The following SATB1 variants were observed in gnomAD, a reference collection of about 807,000 sequenced individuals.
The protein encoded by SATB1 is SATB homeobox 1, also known as DNA-binding protein SATB1.
In SATB1, 11 loss-of-function variants were observed where a neutral mutation model predicts 86.9. That is an observed-to-expected ratio of 0.13 (90% CI 0.08 to 0.21). SATB1 has a LOEUF of 0.21. SATB1 is among the 10% of genes least tolerant of loss of function. The pLI, the probability that SATB1 is intolerant of heterozygous loss-of-function variation, is 1.00. For missense variants in SATB1, 551 were observed against 937.6 expected, an observed-to-expected ratio of 0.59 and a Z score of 5.39; for synonymous variants, 357 against 357.2, an observed-to-expected ratio of 1.00 and a Z score of 0.01.
intron 2 of SATB1, among the ~76,000 whole-genome samples, chr3:18,420,180 T>C (rs1698312052): frequency 6.6e-6 from 1 of 152,156 alleles, no homozygotes; most frequent in Admixed American, 6.5e-5. Flanking sequence ...CATCTTCCCC[T>C]TATAAACTTG....
intron 9 of SATB1, among the ~76,000 whole-genome samples, chr3:18,359,602 C>T (rs1694810997): frequency 6.6e-6 from 1 of 151,940 alleles, no homozygotes; most frequent in Non-Finnish European, 1.5e-5. Flanking sequence ...TGAAACAAAA[C>T]AAATAAAATT....
chr3:18,366,567 A>G (rs2125159979), intron 9 of SATB1, among the ~76,000 whole-genome samples: 1 of 152,244 alleles, frequency 6.6e-6, no homozygotes, highest in Admixed American at 6.5e-5. Context: ...CAACCTTCAA[A>G]TCATATCATG....
At chr3:18,436,397 G>A (rs1013850986) in intron 2 of SATB1, among the ~76,000 whole-genome samples, 2 of 151,636 alleles carry the variant, frequency 1.3e-5, no homozygotes, top group Non-Finnish European at 2.9e-5. Context: ...GTTTGACTCC[G>A]GTATTGTTTG....
intron 5 of SATB1, among the ~76,000 whole-genome samples, chr3:18,406,234 G>A (rs565405215): frequency 1.2e-4 from 18 of 151,936 alleles, no homozygotes; most frequent in Non-Finnish European, 2.4e-4. Context: ...TTAAAACACT[G>A]CATGTTTATA....
At chr3:18,367,384 T>G (rs1363391750) in intron 9 of SATB1, among the ~76,000 whole-genome samples, 1 of 152,122 alleles carries the variant, frequency 6.6e-6, no homozygotes, top group Non-Finnish European at 1.5e-5. Flanking sequence ...CAAAGAACAT[T>G]AAAAGGAATC....
chr3:18,417,113 C>G (rs762348470), intron 2 of SATB1, 35 bp from the exon 3 acceptor site: 160 of 1,594,772 alleles, frequency 1.0e-4, no homozygotes, highest in Non-Finnish European at 1.4e-4. Flanking sequence ...GATGGAAAAC[C>G]AACAATCTTC....
rs1465250711 is a variant in SATB1, at chr3:18,423,873, G to A, written c.-271C>T. On this transcript the variant is annotated 5_prime_UTR_variant, in exon 1 of 11. Transcript: ENST00000338745. ...AATAAACGTCTAGAAGAGTAGCCAT[G>A]AGAAAGGGGTTTAAAAAAAAAATCA... The A allele has an allele frequency of 6.6e-6, 1 of 151,462 alleles. No homozygotes were observed. Among genetic ancestry groups the A allele is most frequent in the East Asian group, 1.9e-4 (1 of 5,176 alleles). 9.4% of individuals were successfully genotyped at this position (151,462 alleles called of 1,614,324 possible). A position where few individuals can be genotyped will look rare whatever the true frequency, so the allele number is the denominator to read the frequency against.
At chr3:18,407,435 CCATGTGG>C (rs1343842426) in intron 5 of SATB1, among the ~76,000 whole-genome samples, 2 of 151,998 alleles carry the variant, frequency 1.3e-5, no homozygotes, top group Non-Finnish European at 2.9e-5. Context: ...GTTACATAGA[CCATGTGG>C]CATGCACAAG....
In SATB1 at chr3:18,394,931, G is replaced by C. The variant is rs1472565697; in HGVS notation, c.752-15C>G. 6.5e-7 allele frequency: 1 copy of C among 1,533,372 alleles called. No individual in the cohort carries two copies. The highest frequency in any genetic ancestry group is 8.8e-7 in the Non-Finnish European group (1 of 1,137,704). The allele number at this position is 1,533,372 out of a possible 1,614,324, so 95.0% of individuals were successfully genotyped here. On this transcript the variant is annotated splice_polypyrimidine_tract_variant and intron_variant, in intron 6 of 10. Coordinates refer to ENST00000338745, the MANE Select transcript of SATB1 (RefSeq NM_002971.6). This position sits in a 1 kb window ranked among gnomAD's most constrained non-coding sequence, Gnocchi z 5.9. ...ATCCATTTCAACTAAAGTGGACAAA[G>C]AGTAAAATCACATTCAGCCAACAAT...
chr3:18,349,352 C>T lies in SATB1; in HGVS notation c.2110G>A (p.Gly704Ser), dbSNP rs1482550358. ...QNQRYYLKHH[G>S]KLKDNSGLEV... is the part of the protein sequence containing the mutation. ...AAACCGGAATTGTCCTTCAGTTTGC[C>T]GTGGTGCTTGAGATAGTACCGCTGG... is the stretch of plus-strand genomic sequence containing the variant. The change falls in exon 11 of 11, where the codon GGC becomes AGC. Residue 704 changes from glycine to serine, a missense_variant. By Grantham distance (56) the Gly-to-Ser change is moderately conservative. Coordinates refer to ENST00000338745, the MANE Select transcript of SATB1 (RefSeq NM_002971.6). The surrounding 1 kb of genome is among the most constrained non-coding windows in gnomAD (Gnocchi z 5.5). 2 of 1,614,094 alleles carry T rather than the reference C, an allele frequency of 1.2e-6. No individual in the cohort carries two copies. The highest frequency in any genetic ancestry group is 1.7e-6 in the Non-Finnish European group (2 of 1,180,020).
At position 18,387,362 on chromosome 3, in the gene SATB1, T is replaced by G. The variant is rs189261511; in HGVS notation, c.1207-751A>C. On this transcript the variant is annotated intron_variant, in intron 7 of 10. Transcript: ENST00000338745. ...AACATTGCGAAAGTCCATCACAGCA[T>G]GCCAAGGAAAAGAGTATCAAATTCT... Among the ~76,000 whole-genome samples the G allele has an allele frequency of 1.6e-3, 248 of 152,330 alleles. 4 individuals are homozygous for G. The South Asian group carries it at 0.039, about 24-fold the overall frequency.
Position 18,349,512 on chromosome 3 carries a change from T to G in SATB1, c.1950A>C (p.Lys650Asn). The G allele has an allele frequency of 1.2e-6, 2 of 1,614,080 alleles. No individual in the cohort carries two copies. Among genetic ancestry groups the G allele is most frequent in the Non-Finnish European group, 1.7e-6 (2 of 1,180,004 alleles). ...GGATTCCCAAGGCTTCCACTGAAAT[T>G]TTTGTTCGTGGCCGGGTCTTCTGTC... ...ENRQKTRPRT[K>N]ISVEALGILQ... The change falls in exon 11 of 11, where the codon AAA (lysine) becomes AAC (asparagine). Residue 650 changes from lysine (K) to asparagine (N), a missense_variant. This residue lies in a region of SATB1 where 87 missense variants were observed against 103.6 expected (regional missense o/e 0.84). Coordinates refer to ENST00000338745, the MANE Select transcript of SATB1 (RefSeq NM_002971.6). The surrounding 1 kb of genome is among the most constrained non-coding windows in gnomAD (Gnocchi z 5.5).
upstream of SATB1, among the ~76,000 whole-genome samples, chr3:18,427,050 G>C (rs1174209765): frequency 6.6e-6 from 1 of 152,132 alleles, no homozygotes; most frequent in Non-Finnish European, 1.5e-5. Flanking sequence ...TTGAGCAAAA[G>C]AATGAACATG....
chr3:18,434,153 A>G (rs1250511153), intron 2 of SATB1, among the ~76,000 whole-genome samples: 1 of 152,078 alleles, frequency 6.6e-6, no homozygotes, highest in Non-Finnish European at 1.5e-5. Context: ...ATATTTAATA[A>G]AAATTAACCT....
chr3:18,395,614 A>G (rs1310004051), intron 6 of SATB1, among the ~76,000 whole-genome samples: 1 of 152,226 alleles, frequency 6.6e-6, no homozygotes, highest in Non-Finnish European at 1.5e-5. Flanking sequence ...CAAGTGATTT[A>G]TTGTATATCA....
intron 9 of SATB1, among the ~76,000 whole-genome samples, chr3:18,356,662 C>T (rs1694659061): frequency 6.6e-6 from 1 of 151,890 alleles, no homozygotes; most frequent in Non-Finnish European, 1.5e-5. Context: ...CATCTCTCAG[C>T]TGCTAATTTC....
intron 5 of SATB1, among the ~76,000 whole-genome samples, chr3:18,400,326 A>G (rs1476803697): frequency 6.6e-6 from 1 of 152,174 alleles, no homozygotes; most frequent in Non-Finnish European, 1.5e-5. Context: ...ATGCATTAAT[A>G]TAAACACTAA....
intron 2 of SATB1, among the ~76,000 whole-genome samples, chr3:18,418,991 G>A (rs2125167290): frequency 6.6e-6 from 1 of 152,202 alleles, no homozygotes; most frequent in East Asian, 1.9e-4. Flanking sequence ...CAACAAAAAT[G>A]TACACATTCA....
intron 1 of SATB1, chr3:18,445,198 G>A (rs1699358528): frequency 3.1e-6 from 3 of 981,040 alleles, no homozygotes; most frequent in Non-Finnish European, 2.4e-6. Context: ...CGCCTCCCCA[G>A]CGCCCGCCCG....
Sources: gnomAD v4.1 joint callset for allele counts (sites outside exome capture counted in the v4.1 genomes callset) on GRCh38, gnomAD v4.1.1 for gene constraint, gnomAD v4.1.1 regional missense constraint, Gnocchi (gnomAD v3.1) non-coding constraint, MANE v1.5 for transcripts, NCBI Gene and HGNC (gene_info 2026-07-23, HGNC 2026-07-21) for gene names.